Variants in RECK observed in about 807,000 individuals in gnomAD.
RECK encodes the protein reversion inducing cysteine rich protein with kazal motifs.
In RECK, 69 loss-of-function variants were observed where a neutral mutation model predicts 115.1. That is an observed-to-expected ratio of 0.60 (90% CI 0.49 to 0.73). RECK has a LOEUF of 0.73. Ranked by LOEUF, RECK falls within the 30% of genes least tolerant of loss-of-function variation. The pLI is 0.00. For missense variants in RECK, 1,047 were observed against 1,203.7 expected (o/e 0.87, Z 1.93); for synonymous variants, 414 against 419.7 (o/e 0.99, Z 0.17).
At position 36,056,864 on chromosome 9, in the gene RECK, G is replaced by C. The variant is rs148810200; in HGVS notation, c.160-1963G>C. On this transcript the variant is annotated intron_variant, in intron 2 of 20. Coordinates refer to ENST00000377966, the MANE Select transcript of RECK (RefSeq NM_021111.3). Reference sequence around the variant, plus strand: ...GTCTAAATGCATTAATTCACTAGGCGTTGCAAAATAGTGATATTCTATCTC... The same window carrying C: ...GTCTAAATGCATTAATTCACTAGGCCTTGCAAAATAGTGATATTCTATCTC... The C allele has an allele frequency of 6.1e-4, 295 of 486,090 alleles. 2 individuals carry two copies. Among genetic ancestry groups the C allele is most frequent in the African/African-American group, 5.5e-3 (263 of 47,798 alleles). 30.1% of individuals were successfully genotyped at this position (486,090 alleles called of 1,614,324 possible). A position where few individuals can be genotyped will look rare whatever the true frequency, so the allele number is the denominator to read the frequency against.
chr9:36,076,389 G>A (rs1822453490), intron 6 of RECK, among the ~76,000 whole-genome samples: 1 of 152,180 alleles, frequency 6.6e-6, no homozygotes, highest in South Asian at 2.1e-4. Flanking sequence ...CTTCCCAGGT[G>A]CACCCAAAGG....
intron 11 of RECK, 71 bp downstream of exon 11, chr9:36,100,614 TC>T: frequency 8.5e-7 from 1 of 1,175,934 alleles, no homozygotes; most frequent in Non-Finnish European, 1.2e-6. Flanking sequence ...CCAGAGCCTC[TC>T]CATAGAATTT....
At chr9:36,105,837 C>T (rs1456622925) in intron 13 of RECK, among the ~76,000 whole-genome samples, 3 of 152,114 alleles carry the variant, frequency 2.0e-5, no homozygotes, top group Non-Finnish European at 2.9e-5. Context: ...CTGTCAATCC[C>T]TTTAGAATAT....
At chr9:36,107,643 C>T (rs1256721378) in intron 13 of RECK, among the ~76,000 whole-genome samples, 2 of 150,752 alleles carry the variant, frequency 1.3e-5, no homozygotes, top group Non-Finnish European at 3.0e-5. Context: ...TTTCCCTATT[C>T]TATTTTTTAA....
At chr9:36,063,764 G>T in intron 4 of RECK, 31 bp from the exon 5 acceptor site, 2 of 1,604,026 alleles carry the variant, frequency 1.2e-6, no homozygotes, top group South Asian at 2.2e-5. Flanking sequence ...TGCTACTTAT[G>T]ACCAAAACAT....
At chr9:36,064,077 C>CAGGCCATGCTTTTATTCTTTATTCATA (rs1821893341) in intron 5 of RECK, among the ~76,000 whole-genome samples, 197 bp downstream of exon 5, 1 of 152,206 alleles carries the variant, frequency 6.6e-6, no homozygotes, top group Non-Finnish European at 1.5e-5. Flanking sequence ...TGGCCTCAGC[C>CAGGCCATGCTTTTATTCTTTATTCATA]TGCTTTTATT....
Position 36,086,698 on chromosome 9 carries a change from T to C in RECK, c.638-996T>C, listed in dbSNP as rs528805955. On this transcript the variant is annotated intron_variant, in intron 8 of 20. Coordinates refer to ENST00000377966, the MANE Select transcript of RECK (RefSeq NM_021111.3). ...TTTTACAGAGTGCTGATTGCTACCTTTACAAACCTTTAGCTAGCCAGAAAA... is the reference window on the plus strand; with the variant it reads ...TTTTACAGAGTGCTGATTGCTACCTCTACAAACCTTTAGCTAGCCAGAAAA... Among the ~76,000 whole-genome samples, 8 of 152,272 alleles carry C rather than the reference T, an allele frequency of 5.3e-5. 1 individual carries two copies. The South Asian group carries it at 1.2e-3, about 24-fold the overall frequency.
At position 36,122,964 on chromosome 9, in the gene RECK, C is replaced by G; in HGVS notation, c.2835C>G (p.Val945=). The stretch of plus-strand genomic sequence containing the variant: ...CCAGCAGTGTGCCATCGGCCGGTGT[C>G]AGGGCCAGGCCTTCTTGCCACTCCC... ...QVSSSVPSAG[V]RARPSCHSLL... is the part of the protein sequence containing the mutation. The change falls in exon 21 of 21, where the codon GTC becomes GTG. Residue 945 remains valine (V), a synonymous_variant. Transcript: ENST00000377966. 1 of 1,614,182 alleles carries G rather than the reference C, an allele frequency of 6.2e-7. No homozygotes were observed. Among genetic ancestry groups the G allele is most frequent in the South Asian group, 1.1e-5 (1 of 91,080 alleles).
chr9:36,116,522 C>T (rs753158596), intron 16 of RECK, among the ~76,000 whole-genome samples: 1 of 152,230 alleles, frequency 6.6e-6, no homozygotes. Flanking sequence ...CCTCCAGCCT[C>T]AGGCTCCAGC....
intron 6 of RECK, chr9:36,066,892 A>G (rs764297210): frequency 4.9e-6 from 6 of 1,230,592 alleles, no homozygotes; most frequent in South Asian, 2.5e-5. Flanking sequence ...AAACTGTCCT[A>G]TGATAGAAAT....
In RECK at chr9:36,117,114, G is replaced by A. The variant is rs1235452957; in HGVS notation, c.2190G>A (p.Glu730=). 2 of 1,613,960 alleles carry A rather than the reference G, an allele frequency of 1.2e-6. No homozygotes were observed. Among genetic ancestry groups the A allele is most frequent in the African/African-American group, 1.3e-5 (1 of 74,914 alleles). ...QDPVCDTDHM[E]HNNLCTLYQR... is the part of the protein sequence containing the mutation. ...CTGTTTGTGACACAGACCACATGGAGCACAACAATCTCTGCACTTTATACC... is the reference window on the plus strand; with the variant it reads ...CTGTTTGTGACACAGACCACATGGAACACAACAATCTCTGCACTTTATACC... Residue 730 remains glutamate, a synonymous_variant, in exon 17 of 21, where the codon GAG becomes GAA. Transcript: ENST00000377966.
In RECK at chr9:36,084,948, G is replaced by A. The variant is rs948627961; in HGVS notation, c.637+1386G>A. On this transcript the variant is annotated intron_variant, in intron 8 of 20. Coordinates refer to ENST00000377966, the MANE Select transcript of RECK (RefSeq NM_021111.3). ...CACATAGCTGTAGTCCTAGCTACTG[G>A]AGAGGTAGAGACAGGAAGATGGCTT... is the stretch of plus-strand genomic sequence containing the variant. Among the ~76,000 whole-genome samples the A allele has an allele frequency of 2.0e-5, 3 of 152,056 alleles. No homozygotes were observed. The East Asian group carries it at 5.8e-4, about 29-fold the overall frequency.
intron 5 of RECK, 62 bp downstream of exon 5, chr9:36,063,942 A>T: frequency 9.2e-6 from 14 of 1,515,034 alleles, no homozygotes; most frequent in Non-Finnish European, 1.3e-5. Context: ...AGCTGTGCAC[A>T]TGTCTTGGGC....
Position 36,087,676 on chromosome 9 carries a change from T to C in RECK, c.638-18T>C. On this transcript the variant is annotated intron_variant, in intron 8 of 20. Transcript: ENST00000377966. ...AAAAAAAACAGCTAATTAAGCCACT[T>C]ATATTCTGAAAATGTAGGTTTATAT... 6.2e-7 allele frequency: 1 copy of C among 1,608,390 alleles called. No homozygotes were observed. Among genetic ancestry groups the C allele is most frequent in the Non-Finnish European group, 8.5e-7 (1 of 1,176,672 alleles).
At chr9:36,085,842 G>T (rs1564120911) in intron 8 of RECK, 1 of 152,152 alleles carries the variant, frequency 6.6e-6, no homozygotes, top group Non-Finnish European at 1.5e-5. Context: ...CTTTGGTGTA[G>T]CTGTGTGGTC....
At chr9:36,041,771 C>CAT (rs1554700478) in intron 1 of RECK, among the ~76,000 whole-genome samples, 1 of 127,708 alleles carries the variant, frequency 7.8e-6, no homozygotes, top group Non-Finnish European at 1.6e-5. Context: ...AATCAGCTTC[C>CAT]TTTTTTTTTT....
intron 11 of RECK, among the ~76,000 whole-genome samples, chr9:36,100,888 C>T (rs1823540805): frequency 6.6e-6 from 1 of 152,088 alleles, no homozygotes; most frequent in African/African-American, 2.4e-5. Context: ...CTCTGATGCA[C>T]AATTCTATTT....
rs532807901 is a variant in RECK, at chr9:36,109,568, G to T, written c.1766-389G>T. 1.1e-3 allele frequency among the ~76,000 whole-genome samples: 165 copies of T among 152,226 alleles called. 1 individual carries two copies. The highest frequency in any genetic ancestry group is 2.2e-3 in the Non-Finnish European group (147 of 68,050). ...TCATCTTTCAAGAATTTCTGGCTGG[G>T]CACAGTGGCTCATGCTTGTTATCCC... On this transcript the variant is annotated intron_variant, in intron 14 of 20. Transcript: ENST00000377966.
chr9:36,099,929 G>T (rs1375883883), intron 10 of RECK, among the ~76,000 whole-genome samples: 1 of 152,184 alleles, frequency 6.6e-6, no homozygotes, highest in Non-Finnish European at 1.5e-5. Context: ...ATTTAGATGT[G>T]CTTATGGATG....
Sources: gnomAD v4.1 joint callset for allele counts (sites outside exome capture counted in the v4.1 genomes callset) on GRCh38, gnomAD v4.1.1 for gene constraint, MANE v1.5 for transcripts, NCBI Gene and HGNC (gene_info 2026-07-23, HGNC 2026-07-21) for gene names.